Variants in TENM2 observed in about 807,000 individuals in gnomAD.
The protein encoded by TENM2 is teneurin-2.
A neutral mutation model predicts 245.2 loss-of-function variants in TENM2; 52 were observed. The ratio of observed to expected loss-of-function variants is 0.21; its 90% CI spans 0.17 to 0.27. The LOEUF (loss-of-function observed/expected upper bound fraction) is 0.27, where lower values mean the gene tolerates loss of function less well. Ranked by LOEUF, TENM2 falls within the 10% of genes least tolerant of loss-of-function variation. The pLI, the probability that TENM2 is intolerant of heterozygous loss-of-function variation, is 1.00. For synonymous variants in TENM2, 1,363 were observed against 1,438.9 expected (o/e 0.95, Z 1.19); for missense variants, 3,046 against 3,666.8 (o/e 0.83, Z 4.37).
At chr5:167,035,236 A>G in the TENM2 span, among the ~76,000 whole-genome samples, 1 of 152,204 alleles carries the variant, frequency 6.6e-6, no homozygotes, top group Admixed American at 6.5e-5. Flanking sequence ...GGAAAAAAAA[A>G]AGAAAACTGG....
In TENM2 at chr5:167,304,372, T is replaced by C. The variant is rs578196912; in HGVS notation, c.226+19309T>C. On this transcript the variant is annotated intron_variant, in intron 1 of 28. Coordinates refer to ENST00000518659, the Ensembl canonical transcript of TENM2. ...TTGCTCTTCTGAATCGCTTCCCCAGTAAACTACTTGTTCACAGCCTCAGTC... is the reference window on the plus strand; with the variant it reads ...TTGCTCTTCTGAATCGCTTCCCCAGCAAACTACTTGTTCACAGCCTCAGTC... Among the ~76,000 whole-genome samples, 81 of 152,336 alleles carry C rather than the reference T, an allele frequency of 5.3e-4. 1 individual carries two copies. In the South Asian group the frequency reaches 0.016, roughly 30 times the overall value.
chr5:167,950,653 A>G (rs1437557129), intron 3 of TENM2, among the ~76,000 whole-genome samples: 1 of 152,146 alleles, frequency 6.6e-6, no homozygotes, highest in Non-Finnish European at 1.5e-5. Context: ...TTCATTAACC[A>G]TGTGTGAGGG....
At chr5:167,544,882 A>T (rs147779654) in intron 2 of TENM2, among the ~76,000 whole-genome samples, 196 of 152,356 alleles carry the variant, frequency 1.3e-3, no homozygotes, top group African/African-American at 4.1e-3. Context: ...GAATAGAATT[A>T]ACATTTGTTT....
chr5:168,162,513 C>T (rs1234791091), intron 12 of TENM2, 98 bp from the exon 15 acceptor site: 78 of 1,346,132 alleles, frequency 5.8e-5, no homozygotes, highest in South Asian at 2.0e-4. Context: ...GCTGGCCCAG[C>T]GGCTGCCCTG....
the TENM2 span, among the ~76,000 whole-genome samples, chr5:167,212,525 C>T: frequency 1.3e-5 from 2 of 152,100 alleles, no homozygotes; most frequent in Non-Finnish European, 2.9e-5. Context: ...AATACAACAC[C>T]GTCCCTGTAG....
At chr5:167,891,574 G>C (rs1359648782) in intron 3 of TENM2, among the ~76,000 whole-genome samples, 1 of 152,150 alleles carries the variant, frequency 6.6e-6, no homozygotes, top group African/African-American at 2.4e-5. Context: ...ACTAAGATCA[G>C]TGCTAAGGGA....
chr5:167,674,410 T>C (rs1210104588), intron 2 of TENM2, among the ~76,000 whole-genome samples: 10 of 152,142 alleles, frequency 6.6e-5, no homozygotes, highest in Admixed American at 2.0e-4. Context: ...AAAGTACATA[T>C]GCAAGTCAAA....
At chr5:167,907,077 A>G (rs1362871579) in intron 3 of TENM2, among the ~76,000 whole-genome samples, 1 of 152,074 alleles carries the variant, frequency 6.6e-6, no homozygotes, top group South Asian at 2.1e-4. Flanking sequence ...TACTAAAAAT[A>G]CAAAATTAGC....
the TENM2 span, among the ~76,000 whole-genome samples, chr5:167,101,535 C>A: frequency 6.6e-6 from 1 of 151,988 alleles, no homozygotes; most frequent in African/African-American, 2.4e-5. Flanking sequence ...TGGGGTCTAT[C>A]TCCCATCTCC....
intron 27 of TENM2, among the ~76,000 whole-genome samples, chr5:168,252,741 G>T (rs376428079): frequency 3.3e-5 from 5 of 151,884 alleles, no homozygotes; most frequent in African/African-American, 1.2e-4. Context: ...CAGCTACTTG[G>T]GAGGCTGAGG....
the TENM2 span, among the ~76,000 whole-genome samples, chr5:167,164,174 A>C: frequency 6.6e-6 from 1 of 152,238 alleles, no homozygotes; most frequent in African/African-American, 2.4e-5. Flanking sequence ...AAAAAGGCAC[A>C]AAGACAAGAA....
intron 1 of TENM2, among the ~76,000 whole-genome samples, chr5:167,364,048 GAA>G (rs1759890013): frequency 6.6e-6 from 1 of 151,050 alleles, no homozygotes. Flanking sequence ...TGCACAGAGA[GAA>G]AAGACATAAA....
chr5:167,727,313 C>T (rs974598332), intron 2 of TENM2, among the ~76,000 whole-genome samples: 5 of 152,000 alleles, frequency 3.3e-5, no homozygotes, highest in South Asian at 2.1e-4. Context: ...GGGGTTTCAC[C>T]GTGTTAGCCA....
chr5:167,618,406 G>A (rs553741972), intron 2 of TENM2, among the ~76,000 whole-genome samples: 4 of 152,086 alleles, frequency 2.6e-5, no homozygotes, highest in South Asian at 4.2e-4. Context: ...TATCAACACC[G>A]GAGATGCATT....
intron 2 of TENM2, among the ~76,000 whole-genome samples, chr5:167,656,247 A>G (rs972837420): frequency 3.9e-5 from 6 of 152,298 alleles, no homozygotes; most frequent in African/African-American, 1.4e-4. Flanking sequence ...ATGGGCCATA[A>G]TGGTAGAGAA....
At chr5:168,094,940 G>A (rs779119497) in intron 8 of TENM2, among the ~76,000 whole-genome samples, 1 of 151,864 alleles carries the variant, frequency 6.6e-6, no homozygotes, top group Non-Finnish European at 1.5e-5. Flanking sequence ...TGTGAACTGT[G>A]CATGCGAGGG....
At chr5:167,891,482 A>G (rs1225471709) in intron 3 of TENM2, among the ~76,000 whole-genome samples, 1 of 152,184 alleles carries the variant, frequency 6.6e-6, no homozygotes, top group East Asian at 1.9e-4. Flanking sequence ...GGAAAGCTTA[A>G]GTGGGCCATG....
the TENM2 span, among the ~76,000 whole-genome samples, chr5:167,053,540 C>T: frequency 2.0e-5 from 3 of 152,116 alleles, no homozygotes; most frequent in Admixed American, 6.5e-5. Context: ...CGTAAAGAGT[C>T]TATCCATGTG....
intron 5 of TENM2, among the ~76,000 whole-genome samples, chr5:168,044,307 C>T (rs1489814715): frequency 6.6e-6 from 1 of 152,028 alleles, no homozygotes; most frequent in Non-Finnish European, 1.5e-5. Flanking sequence ...CCCAGATACT[C>T]GGGAGGGTGA....
Sources: allele counts gnomAD v4.1 joint callset (sites outside exome capture counted in the v4.1 genomes callset), GRCh38; gene constraint gnomAD v4.1.1; transcripts MANE v1.5; gene names NCBI Gene and HGNC (gene_info 2026-07-23, HGNC 2026-07-21).